AFF2: variants seen among roughly 807,000 people sequenced by gnomAD.
AFF2 encodes ALF transcription elongation factor 2.
AFF2 carries 14 observed loss-of-function variants against 76.9 expected under a neutral mutation model. The observed-to-expected ratio is 0.18, with a 90% CI of 0.12 to 0.28. The LOEUF (loss-of-function observed/expected upper bound fraction) is 0.28. AFF2 is among the 10% of genes least tolerant of loss of function. The pLI is 1.00. For synonymous variants in AFF2, 398 were observed against 366.7 expected (o/e 1.09, Z -0.98); for missense variants, 868 against 1,001.1 (o/e 0.87, Z 1.79).
At chrX:148,657,183 A>G (rs1385821367) in intron 2 of AFF2, among the ~76,000 whole-genome samples, 1 of 111,669 alleles carries the variant, frequency 9.0e-6, no homozygotes, top group Non-Finnish European at 1.9e-5. Flanking sequence ...GGCCAGAGCT[A>G]CTCTGCTGAC....
At chrX:148,808,415 A>G (rs1322729454) in intron 3 of AFF2, among the ~76,000 whole-genome samples, 1 of 112,361 alleles carries the variant, frequency 8.9e-6, no homozygotes, top group African/African-American at 3.2e-5. Flanking sequence ...GGTTCTCTAT[A>G]TGAAACCTGT....
chrX:148,958,376 C>T lies in AFF2; in HGVS notation c.2608C>T (p.Arg870Cys), dbSNP rs782135667. The change falls in exon 12 of 21, where the codon CGC (arginine) becomes TGC (cysteine). Residue 870 changes from arginine to cysteine, a missense_variant. Arg to Cys is a radical substitution (Grantham distance 180, BLOSUM62 -3). Transcript: ENST00000370460. ...AGAGAAGATCCCTGAGAAGAAGCAG[C>T]GCCTGGAGGAGGCCACAACTATCTG... is the stretch of plus-strand genomic sequence containing the variant. ...VAEKIPEKKQ[R>C]LEEATTICLL... 73 of 1,208,994 alleles carry T rather than the reference C, an allele frequency of 6.0e-5. No individual in the cohort carries two copies. The highest frequency in any genetic ancestry group is 7.6e-5 in the Non-Finnish European group (68 of 894,648).
intron 7 of AFF2, among the ~76,000 whole-genome samples, chrX:148,852,553 G>A (rs1172923487): frequency 1.8e-5 from 2 of 110,594 alleles, no homozygotes; most frequent in Admixed American, 9.7e-5. Flanking sequence ...GTCATTCTAG[G>A]TTTCTCCAAA....
intron 3 of AFF2, chrX:148,719,051 A>G: frequency 9.5e-7 from 1 of 1,054,165 alleles, no homozygotes; most frequent in Non-Finnish European, 1.2e-6. Context: ...GAACATGGTG[A>G]TTCCACAACA....
At chrX:148,932,720 T>C (rs1230201502) in intron 9 of AFF2, among the ~76,000 whole-genome samples, 1 of 112,582 alleles carries the variant, frequency 8.9e-6, no homozygotes, top group South Asian at 3.7e-4. Context: ...GGTTCTTTTG[T>C]TCCTGTTTTC....
At chrX:148,770,970 T>C (rs2124599147) in intron 3 of AFF2, among the ~76,000 whole-genome samples, 1 of 112,112 alleles carries the variant, frequency 8.9e-6, no homozygotes, top group Admixed American at 9.5e-5. Context: ...CCTCAATTGT[T>C]TGTACAAATG....
intron 9 of AFF2, among the ~76,000 whole-genome samples, chrX:148,938,173 C>A (rs2071794027): frequency 1.8e-5 from 2 of 112,001 alleles, no homozygotes; most frequent in Admixed American, 9.5e-5. Context: ...GCCACTGCAC[C>A]AGTGTTGTTT....
intron 9 of AFF2, among the ~76,000 whole-genome samples, chrX:148,910,257 A>G (rs2071453997): frequency 8.9e-6 from 1 of 112,520 alleles, no homozygotes; most frequent in African/African-American, 3.2e-5. Context: ...ATTAGTGAAA[A>G]TGACAAATAG....
At chrX:148,570,686 T>C (rs1055076926) in intron 1 of AFF2, among the ~76,000 whole-genome samples, 2 of 111,347 alleles carry the variant, frequency 1.8e-5, no homozygotes, top group Non-Finnish European at 3.8e-5. Flanking sequence ...ATGTTTTGTT[T>C]CCCAGTTCTA....
At chrX:148,536,073 G>T (rs1416900977) in intron 1 of AFF2, among the ~76,000 whole-genome samples, 6 of 109,937 alleles carry the variant, frequency 5.5e-5, no homozygotes, top group Non-Finnish European at 9.5e-5. Flanking sequence ...ACAAAAATTA[G>T]CCGGGCATGG....
chrX:148,656,780 G>A (rs901521923), intron 2 of AFF2, among the ~76,000 whole-genome samples: 3 of 111,133 alleles, frequency 2.7e-5, no homozygotes, highest in Non-Finnish European at 5.7e-5. Flanking sequence ...GATTACAGGC[G>A]TGAGCCACCG....
At chrX:148,860,418 T>C (rs1290594799) in intron 7 of AFF2, among the ~76,000 whole-genome samples, 1 of 112,109 alleles carries the variant, frequency 8.9e-6, no homozygotes, top group Admixed American at 9.5e-5. Context: ...TAACTGGAAG[T>C]GTGGTGTAGC....
chrX:148,702,526 C>T, intron 3 of AFF2, among the ~76,000 whole-genome samples: 1 of 111,719 alleles, frequency 9.0e-6, no homozygotes, highest in East Asian at 2.8e-4. Context: ...TTCAGTGCCG[C>T]AATCAGGCAC....
chrX:148,551,482 G>GAAAAAAAA (rs781883999), intron 1 of AFF2, among the ~76,000 whole-genome samples: 7 of 38,006 alleles, frequency 1.8e-4, no homozygotes, highest in Admixed American at 4.4e-4. Context: ...GCTGGGAAGT[G>GAAAAAAAA]AAAAAAAAAA....
At chrX:148,701,012 A>AGAGTGTG (rs782232655) in intron 3 of AFF2, among the ~76,000 whole-genome samples, 7 of 73,731 alleles carry the variant, frequency 9.5e-5, no homozygotes, top group East Asian at 4.3e-4. Flanking sequence ...GAGAGAGAGA[A>AGAGTGTG]TGTGTGTGTG....
At chrX:148,875,951 G>A (rs1291614672) in intron 7 of AFF2, among the ~76,000 whole-genome samples, 1 of 111,640 alleles carries the variant, frequency 9.0e-6, no homozygotes, top group Non-Finnish European at 1.9e-5. Flanking sequence ...TGAAAAAGTT[G>A]ATATAGTAAT....
At chrX:148,739,521 T>A (rs1427681477) in intron 3 of AFF2, among the ~76,000 whole-genome samples, 3 of 111,326 alleles carry the variant, frequency 2.7e-5, no homozygotes, top group Non-Finnish European at 3.8e-5. Context: ...TTTATGTGGG[T>A]CCTTATGTCT....
At chrX:148,831,167 G>C (rs2070449475) in intron 4 of AFF2, among the ~76,000 whole-genome samples, 1 of 111,736 alleles carries the variant, frequency 8.9e-6, no homozygotes, top group Non-Finnish European at 1.9e-5. Context: ...TTTTTTCAAG[G>C]TGCCCAGATT....
At chrX:148,936,166 A>G (rs184069499) in intron 9 of AFF2, among the ~76,000 whole-genome samples, 1 of 111,239 alleles carries the variant, frequency 9.0e-6, no homozygotes, top group Non-Finnish European at 1.9e-5. Context: ...GGGTTTCCAA[A>G]TTATTTATAC....
Sources: gnomAD v4.1 joint callset for allele counts (sites outside exome capture counted in the v4.1 genomes callset) on GRCh38, gnomAD v4.1.1 for gene constraint, MANE v1.5 for transcripts, NCBI Gene and HGNC (gene_info 2026-07-23, HGNC 2026-07-21) for gene names.